GREB1L: variants seen among roughly 807,000 people sequenced by gnomAD.
GREB1L encodes the protein GREB1-like protein.
Under a neutral mutation model 200.8 loss-of-function variants are expected in GREB1L, and 17 were observed. The ratio of observed to expected loss-of-function variants is 0.08; its 90% confidence interval spans 0.06 to 0.13. GREB1L has a LOEUF of 0.13. Among genes scored for constraint, GREB1L ranks in the 10% least tolerant of loss-of-function variants. GREB1L has a pLI of 1.00. For synonymous variants in GREB1L, 789 were observed against 893.0 expected (o/e 0.88, Z 2.08); for missense variants, 1,657 against 2,367.7 (o/e 0.70, Z 6.23).
intron 6 of GREB1L, among the ~76,000 whole-genome samples, chr18:21,402,379 CCTTT>C (rs1219217317): frequency 6.6e-6 from 1 of 151,024 alleles, no homozygotes; most frequent in Non-Finnish European, 1.5e-5. Context: ...TTCCTTCCTT[CCTTT>C]CTTCCTTCCT....
chr18:21,441,103 G>T (rs766032403), intron 9 of GREB1L, among the ~76,000 whole-genome samples: 1 of 152,012 alleles, frequency 6.6e-6, no homozygotes, highest in Non-Finnish European at 1.5e-5. Context: ...TGATAATCTT[G>T]GGGGGAAAGC....
intron 1 of GREB1L, among the ~76,000 whole-genome samples, chr18:21,268,540 CA>C (rs1266811738): frequency 2.1e-5 from 2 of 93,348 alleles, no homozygotes; most frequent in East Asian, 6.3e-4. Flanking sequence ...CACACACACA[CA>C]CACACACACA....
chr18:21,469,207 C>T (rs1012262796), intron 15 of GREB1L, among the ~76,000 whole-genome samples: 2 of 152,090 alleles, frequency 1.3e-5, no homozygotes, highest in Non-Finnish European at 2.9e-5. Context: ...CATTTTTTCC[C>T]TACATTTACT....
In GREB1L at chr18:21,477,385, C is replaced by T. The variant is rs1598901139; in HGVS notation, c.2556+29C>T. 13 of 1,485,536 alleles carry T rather than the reference C, an allele frequency of 8.8e-6. No homozygotes were observed. In the East Asian group the frequency reaches 3.2e-4, roughly 37 times the overall value. The allele number at this position is 1,485,536 out of a possible 1,614,324, so 92.0% of individuals were successfully genotyped here. A position where few individuals can be genotyped will look rare whatever the true frequency, so the allele number is the denominator to read the frequency against. Reference sequence around the variant, plus strand: ...AGTCTCTTGCCTGCTGTCTGATACACTGTCATGTTCTCAGTTCCCAAGAGG... The same window carrying T: ...AGTCTCTTGCCTGCTGTCTGATACATTGTCATGTTCTCAGTTCCCAAGAGG... On this transcript the variant is annotated intron_variant, in intron 17 of 32. Coordinates refer to ENST00000424526, the MANE Select transcript of GREB1L (RefSeq NM_001142966.3).
At chr18:21,310,417 A>G (rs2038772347) in intron 1 of GREB1L, among the ~76,000 whole-genome samples, 1 of 152,216 alleles carries the variant, frequency 6.6e-6, no homozygotes, top group Admixed American at 6.5e-5. Flanking sequence ...CTAAAAGAAG[A>G]AATGTAATGA....
chr18:21,500,820 G>A (rs183982521), intron 23 of GREB1L, among the ~76,000 whole-genome samples, 178 bp downstream of exon 23: 5 of 152,372 alleles, frequency 3.3e-5, no homozygotes, highest in African/African-American at 1.2e-4. Flanking sequence ...TGTAATTTCA[G>A]CACTTTGGGA....
At chr18:21,308,642 C>T (rs1011202129) in intron 1 of GREB1L, among the ~76,000 whole-genome samples, 42 of 152,178 alleles carry the variant, frequency 2.8e-4, no homozygotes, top group African/African-American at 9.7e-4. Flanking sequence ...ACTCTCACTC[C>T]GTGATTTATT....
At chr18:21,423,318 T>C (rs2032310935) in intron 7 of GREB1L, among the ~76,000 whole-genome samples, 1 of 152,192 alleles carries the variant, frequency 6.6e-6, no homozygotes, top group South Asian at 2.1e-4. Context: ...TCCTATAAAC[T>C]CTAAGTTCAT....
At chr18:21,307,696 G>C (rs952891562) in intron 1 of GREB1L, among the ~76,000 whole-genome samples, 2 of 152,014 alleles carry the variant, frequency 1.3e-5, no homozygotes, top group African/African-American at 4.8e-5. Context: ...CCACAGTGAG[G>C]GTCTCCTGTG....
intron 1 of GREB1L, among the ~76,000 whole-genome samples, chr18:21,252,285 C>T (rs933003780): frequency 1.3e-5 from 2 of 152,022 alleles, no homozygotes; most frequent in African/African-American, 2.4e-5. Flanking sequence ...AGTCCGGGTG[C>T]AGTGGCTTAT....
intron 7 of GREB1L, among the ~76,000 whole-genome samples, chr18:21,431,355 A>G (rs1259129778): frequency 6.6e-6 from 1 of 152,048 alleles, no homozygotes; most frequent in African/African-American, 2.4e-5. Flanking sequence ...GTTGTATACA[A>G]TTTCCTTTGT....
At chr18:21,485,798 T>G in intron 18 of GREB1L, 45 bp downstream of exon 18, 1 of 1,537,832 alleles carries the variant, frequency 6.5e-7, no homozygotes, top group Non-Finnish European at 8.8e-7. Flanking sequence ...TAGCTGTACT[T>G]GCAGATCTAA....
chr18:21,282,227 T>C (rs993981569), intron 1 of GREB1L, among the ~76,000 whole-genome samples: 2 of 152,156 alleles, frequency 1.3e-5, no homozygotes, highest in African/African-American at 4.8e-5. Context: ...TGAGCTGTGA[T>C]GGAGCCACTG....
At chr18:21,518,792 T>G (rs1435830101) in intron 31 of GREB1L, among the ~76,000 whole-genome samples, 1 of 152,186 alleles carries the variant, frequency 6.6e-6, no homozygotes, top group Non-Finnish European at 1.5e-5. Flanking sequence ...ATTTTTCACA[T>G]TTTAGTTTTT....
At chr18:21,513,331 T>C (rs956572463) in intron 27 of GREB1L, among the ~76,000 whole-genome samples, 1 of 152,202 alleles carries the variant, frequency 6.6e-6, no homozygotes, top group Non-Finnish European at 1.5e-5. Context: ...TTGAAGTATC[T>C]AAAGCAGGGG....
At chr18:21,503,576 T>TATC (rs1163545094) in intron 23 of GREB1L, among the ~76,000 whole-genome samples, 1 of 146,188 alleles carries the variant, frequency 6.8e-6, no homozygotes, top group Non-Finnish European at 1.5e-5. Context: ...TTATCATTAT[T>TATC]ATTATTATTA....
intron 1 of GREB1L, among the ~76,000 whole-genome samples, chr18:21,270,041 C>A (rs2038053123): frequency 6.6e-6 from 1 of 152,176 alleles, no homozygotes; most frequent in African/African-American, 2.4e-5. Flanking sequence ...GAGATAACTC[C>A]ATTTCTAGTA....
chr18:21,504,863 C>G (rs2036948646), intron 23 of GREB1L, among the ~76,000 whole-genome samples: 1 of 152,240 alleles, frequency 6.6e-6, no homozygotes, highest in Non-Finnish European at 1.5e-5. Flanking sequence ...ACACCCAGGT[C>G]TACTGGCTCT....
chr18:21,489,990 A>C (rs1403693365), intron 18 of GREB1L, 22 bp from the exon 19 acceptor site: 7 of 1,531,156 alleles, frequency 4.6e-6, no homozygotes, highest in Non-Finnish European at 6.2e-6. Flanking sequence ...CCTGAGTGCT[A>C]GTGCCTTGTT....
Sources: allele counts gnomAD v4.1 joint callset (sites outside exome capture counted in the v4.1 genomes callset), GRCh38; gene constraint gnomAD v4.1.1; transcripts MANE v1.5; gene names NCBI Gene and HGNC (gene_info 2026-07-23, HGNC 2026-07-21).